Variants in TNNI3K observed in about 807,000 individuals in gnomAD.
TNNI3K encodes serine/threonine-protein kinase TNNI3K.
TNNI3K carries 140 observed loss-of-function variants against 114.5 expected under a neutral mutation model. The ratio of observed to expected loss-of-function variants is 1.22; its 90% CI spans 1.07 to 1.41. TNNI3K has a LOEUF of 1.41. Ranked by LOEUF, TNNI3K falls within the 40% of genes most tolerant of loss-of-function variation. The probability of loss-of-function intolerance (pLI) is 0.00; values close to 1 mark genes in which losing one functional copy is unlikely to be tolerated. For synonymous variants in TNNI3K, 347 were observed against 347.5 expected (o/e 1.00, Z 0.02); for missense variants, 1,125 against 1,007.6 (o/e 1.12, Z -1.58).
chr1:74,527,236 G>C (rs1646515785), intron 23 of TNNI3K, among the ~76,000 whole-genome samples: 1 of 152,202 alleles, frequency 6.6e-6, no homozygotes, highest in African/African-American at 2.4e-5. Context: ...TTGAGCAGTG[G>C]CTAAAGAAAT....
Position 74,460,651 on chromosome 1 carries a change from G to A in TNNI3K, c.2012-2790G>A, listed in dbSNP as rs142524829. Among the ~76,000 whole-genome samples the A allele has an allele frequency of 2.5e-3, 377 of 152,312 alleles. 2 individuals are homozygous for A. The highest frequency in any genetic ancestry group is 0.014 in the Middle Eastern group (4 of 294). The stretch of plus-strand genomic sequence containing the variant: ...TGTAATACCAGAAAATTTCCCAGAT[G>A]TTAGTGTAGCATGGCTGCTTAGGCA... On this transcript the variant is annotated intron_variant, in intron 20 of 24. Coordinates refer to ENST00000326637, the MANE Select transcript of TNNI3K (RefSeq NM_015978.3).
intron 20 of TNNI3K, among the ~76,000 whole-genome samples, chr1:74,448,237 G>A (rs1290014723): frequency 2.0e-5 from 2 of 101,534 alleles, no homozygotes; most frequent in Non-Finnish European, 1.8e-5. Flanking sequence ...ATGTGCACAT[G>A]TACCCTAAAA....
intron 20 of TNNI3K, among the ~76,000 whole-genome samples, chr1:74,447,992 C>T (rs1666779425): frequency 3.7e-5 from 1 of 26,872 alleles, no homozygotes; most frequent in African/African-American, 1.6e-4. Flanking sequence ...CCATCATTCT[C>T]AGTAAACTAT....
intron 23 of TNNI3K, among the ~76,000 whole-genome samples, chr1:74,518,881 T>C: frequency 7.5e-6 from 1 of 133,646 alleles, no homozygotes; most frequent in African/African-American, 3.2e-5. Context: ...CCCCTTTTTT[T>C]TTTTTTTTTT....
intron 5 of TNNI3K, among the ~76,000 whole-genome samples, chr1:74,283,637 C>T (rs986555142): frequency 5.9e-5 from 9 of 152,106 alleles, no homozygotes; most frequent in African/African-American, 7.2e-5. Flanking sequence ...TTAGATTCAA[C>T]GATTATTGCT....
chr1:74,373,096 A>G (rs995968210), intron 17 of TNNI3K: 1 of 151,884 alleles, frequency 6.6e-6, no homozygotes, highest in African/African-American at 2.4e-5. Context: ...AGCATTCTAC[A>G]TGGCTCAAAA....
intron 5 of TNNI3K, among the ~76,000 whole-genome samples, chr1:74,330,314 C>T (rs570609994): frequency 6.6e-6 from 1 of 152,138 alleles, no homozygotes; most frequent in East Asian, 1.9e-4. Flanking sequence ...TCTTCTCTAC[C>T]AGAAAGGATA....
Position 74,369,429 on chromosome 1 carries a change from A to G in TNNI3K, c.1511A>G (p.Asp504Gly), listed in dbSNP as rs377394187. The G allele has an allele frequency of 1.6e-5, 25 of 1,611,860 alleles. No individual in the cohort carries two copies. Among genetic ancestry groups the G allele is most frequent in the Non-Finnish European group, 2.1e-5 (25 of 1,178,992 alleles). Residue 504 changes from aspartate (D) to glycine (G), a missense_variant, in exon 16 of 25, where the codon GAT (aspartate) becomes GGT (glycine). By Grantham distance (94) the Asp-to-Gly change is moderately conservative (BLOSUM62 -1). Coordinates refer to ENST00000326637, the MANE Select transcript of TNNI3K (RefSeq NM_015978.3). ...ANTYCSKSDVDMFCREVSILC... is the reference protein window; with the variant it reads ...ANTYCSKSDVGMFCREVSILC... ...ACCTACTGCTCCAAGTCAGATGTGG[A>G]TATGTTTTGCCGAGAGGTGTCCATT...
chr1:74,246,264 T>C lies in TNNI3K; in HGVS notation c.150-3195T>C, dbSNP rs1414071484. Among the ~76,000 whole-genome samples the C allele has an allele frequency of 2.4e-4, 36 of 152,214 alleles. 1 individual carries two copies. Among genetic ancestry groups the C allele is most frequent in the Admixed American group, 2.3e-3 (35 of 15,278 alleles). ...CCCTCAAAGCCAAATATATTATGGA[T>C]GTCTTGGAAGAAAGTAAACTAGGTA... On this transcript the variant is annotated intron_variant, in intron 2 of 24. Transcript: ENST00000326637.
At chr1:74,374,357 T>C (rs1246832116) in intron 17 of TNNI3K, 1 of 151,948 alleles carries the variant, frequency 6.6e-6, no homozygotes, top group Non-Finnish European at 1.5e-5. Context: ...ATGCTTTCAT[T>C]TAACCACGCA....
intron 21 of TNNI3K, among the ~76,000 whole-genome samples, chr1:74,484,537 A>T (rs1429988161): frequency 6.6e-6 from 1 of 152,158 alleles, no homozygotes; most frequent in East Asian, 1.9e-4. Context: ...GATCGCATTG[A>T]CTCGAGGGCT....
At chr1:74,240,527 G>T (rs1480428585) in intron 2 of TNNI3K, 2 of 152,122 alleles carry the variant, frequency 1.3e-5, no homozygotes, top group Admixed American at 1.3e-4. Flanking sequence ...ATTTCAAAAT[G>T]TATCATATTC....
At chr1:74,306,586 T>G (rs1658653816) in intron 5 of TNNI3K, among the ~76,000 whole-genome samples, 1 of 152,220 alleles carries the variant, frequency 6.6e-6, no homozygotes, top group Non-Finnish European at 1.5e-5. Flanking sequence ...TGGTGTCAGA[T>G]GGCATCTCAT....
intron 17 of TNNI3K, among the ~76,000 whole-genome samples, chr1:74,376,385 G>A (rs1662906842): frequency 6.6e-6 from 1 of 151,798 alleles, no homozygotes; most frequent in African/African-American, 2.4e-5. Context: ...TTTAACTTGT[G>A]ACTTTTCTAA....
At chr1:74,511,037 G>A (rs1040506134) in intron 23 of TNNI3K, among the ~76,000 whole-genome samples, 3 of 151,980 alleles carry the variant, frequency 2.0e-5, no homozygotes, top group African/African-American at 7.3e-5. Context: ...ACAGGCGTCT[G>A]CCACCATGCC....
intron 19 of TNNI3K, among the ~76,000 whole-genome samples, chr1:74,437,774 T>G (rs1348921273): frequency 1.3e-5 from 2 of 151,750 alleles, no homozygotes; most frequent in African/African-American, 4.8e-5. Context: ...CAAGCCTAGC[T>G]GCACATTAAA....
intron 23 of TNNI3K, among the ~76,000 whole-genome samples, chr1:74,512,767 G>T (rs909269238): frequency 1.3e-5 from 2 of 152,222 alleles, no homozygotes; most frequent in Non-Finnish European, 2.9e-5. Context: ...ACCACTGACG[G>T]GTTGCTATTT....
intron 5 of TNNI3K, among the ~76,000 whole-genome samples, chr1:74,301,760 G>T (rs776879164): frequency 6.6e-6 from 1 of 152,276 alleles, no homozygotes; most frequent in East Asian, 1.9e-4. Flanking sequence ...TGAAGGAGGG[G>T]TGCACTATTT....
chr1:74,433,468 G>C (rs769154306), intron 17 of TNNI3K, among the ~76,000 whole-genome samples: 7 of 152,098 alleles, frequency 4.6e-5, no homozygotes, highest in Non-Finnish European at 1.0e-4. Flanking sequence ...TTACAATTTA[G>C]TTTTCATTAT....
Sources: gnomAD v4.1 joint callset for allele counts (sites outside exome capture counted in the v4.1 genomes callset) on GRCh38, gnomAD v4.1.1 for gene constraint, MANE v1.5 for transcripts, NCBI Gene and HGNC (gene_info 2026-07-23, HGNC 2026-07-21) for gene names.